The following CCDC39 variants were observed in gnomAD, a reference collection of about 807,000 sequenced individuals.
CCDC39 encodes coiled-coil domain 39 molecular ruler complex subunit.
CCDC39 carries 113 observed loss-of-function variants against 121.0 expected under a neutral mutation model. That is an observed-to-expected ratio of 0.93 (90% CI 0.80 to 1.09). The LOEUF is 1.09. Among genes scored for constraint, CCDC39 ranks in the 50% least tolerant of loss-of-function variants. The pLI, the probability that CCDC39 is intolerant of heterozygous loss-of-function variation, is 0.00. For missense variants in CCDC39, 1,063 were observed against 1,074.7 expected, an observed-to-expected ratio of 0.99 and a Z score of 0.15; for synonymous variants, 349 against 352.2, an observed-to-expected ratio of 0.99 and a Z score of 0.10.
At chr3:180,677,167 TTTATA>T (rs1712246482) in intron 1 of CCDC39, among the ~76,000 whole-genome samples, 2 of 72,206 alleles carry the variant, frequency 2.8e-5, no homozygotes, top group African/African-American at 7.5e-5. Context: ...TAATAATAAT[TTTATA>T]TATATATATA....
chr3:180,651,533 C>A lies in CCDC39; in HGVS notation c.1035G>T (p.Arg345Ser), dbSNP rs770110944. The A allele has an allele frequency of 4.6e-6, 7 of 1,520,902 alleles. No homozygotes were observed. Among genetic ancestry groups the A allele is most frequent in the East Asian group, 2.5e-5 (1 of 40,600 alleles). 94.2% of individuals were successfully genotyped at this position (1,520,902 alleles called of 1,614,324 possible). ...CATTATGATTTTTAGTTTTTTGTAA[C>A]CTGAAGAGGGTTTATCACAAAAAGA... ...IKKDIHEETA[R>S]LQKTKNHNEI... The change falls in exon 9 of 20, where the codon AGG (arginine) becomes AGT (serine). Residue 345 changes from arginine (R) to serine (S), a missense_variant and splice_region_variant. Physicochemically the swap from Arg to Ser is moderately radical, Grantham distance 110. Coordinates refer to ENST00000476379, the MANE Select transcript of CCDC39 (RefSeq NM_181426.2).
chr3:180,647,869 A>G (rs1475602845), intron 10 of CCDC39, among the ~76,000 whole-genome samples: 2 of 152,052 alleles, frequency 1.3e-5, no homozygotes, highest in South Asian at 2.1e-4. Flanking sequence ...GGTTTCAGAT[A>G]TCTCGTGCCT....
chr3:180,614,827 A>G lies in CCDC39; in HGVS notation c.*94T>C. On this transcript the variant is annotated 3_prime_UTR_variant, in exon 20 of 20. Transcript: ENST00000476379. Reference sequence around the variant, plus strand: ...TTTACACTTACCACTAAGTTTTTACACTTTCCACTAGATAAAATGTGTTGG... The same window carrying G: ...TTTACACTTACCACTAAGTTTTTACGCTTTCCACTAGATAAAATGTGTTGG... The G allele has an allele frequency of 8.7e-7, 1 of 1,154,208 alleles. No individual in the cohort carries two copies. The highest frequency in any genetic ancestry group is 1.2e-6 in the Non-Finnish European group (1 of 832,272). The allele number at this position is 1,154,208 out of a possible 1,614,324, so 71.5% of individuals were successfully genotyped here.
intron 8 of CCDC39, among the ~76,000 whole-genome samples, chr3:180,651,771 C>T (rs183133610): frequency 3.9e-4 from 59 of 152,250 alleles, no homozygotes; most frequent in South Asian, 1.0e-3. Flanking sequence ...GGCGCGGTGG[C>T]TCACGCCTGT....
chr3:180,614,811 AC>A lies in CCDC39; in HGVS notation c.*109del, dbSNP rs1717167061. On this transcript the variant is annotated 3_prime_UTR_variant, in exon 20 of 20. Transcript: ENST00000476379. ...TTTAAAACTATCAGTTTTTACACTT[AC>A]CACTAAGTTTTTACACTTTCCACTA... The A allele has an allele frequency of 2.1e-6, 2 of 934,216 alleles. No homozygotes were observed. 57.9% of individuals were successfully genotyped at this position (934,216 alleles called of 1,614,324 possible).
intron 1 of CCDC39, among the ~76,000 whole-genome samples, chr3:180,677,168 T>TTTTTTA (rs373676653): frequency 4.3e-4 from 15 of 35,176 alleles, no homozygotes; most frequent in African/African-American, 1.5e-3. Context: ...AATAATAATT[T>TTTTTTA]TATATATATA....
At chr3:180,671,917 T>C (rs1712059464) in intron 1 of CCDC39, among the ~76,000 whole-genome samples, 1 of 152,158 alleles carries the variant, frequency 6.6e-6, no homozygotes, top group African/African-American at 2.4e-5. Context: ...CTGCAGCAAG[T>C]TATCTAGAAG....
intron 13 of CCDC39, among the ~76,000 whole-genome samples, chr3:180,639,628 G>A (rs1366655989): frequency 6.6e-6 from 1 of 152,026 alleles, no homozygotes; most frequent in African/African-American, 2.4e-5. Flanking sequence ...GACTTGTGGG[G>A]GGTGGAGTGT....
chr3:180,660,713 C>CT lies in CCDC39; in HGVS notation c.372dup (p.Ala125SerfsTer29). The CT allele has an allele frequency of 6.2e-7, 1 of 1,600,914 alleles. No homozygotes were observed. Among genetic ancestry groups the CT allele is most frequent in the South Asian group, 1.1e-5 (1 of 88,656 alleles). On this transcript the variant is annotated frameshift_variant, in exon 4 of 20. Transcript: ENST00000476379. LOFTEE classifies it high-confidence loss of function. ...TTCAAACCATCCAATTTTTGAGTGGCTTTAAATATGCCATTCTAATTTCCA... is the reference window on the plus strand; with the variant it reads ...TTCAAACCATCCAATTTTTGAGTGGCTTTTAAATATGCCATTCTAATTTCCA...
chr3:180,615,628 C>T (rs1483422984), intron 19 of CCDC39, among the ~76,000 whole-genome samples: 1 of 151,742 alleles, frequency 6.6e-6, no homozygotes, highest in Non-Finnish European at 1.5e-5. Context: ...TTTTTAGGGG[C>T]CTCTTCATGA....
At chr3:180,654,716 T>C in intron 7 of CCDC39, 46 bp downstream of exon 7, 1 of 1,279,684 alleles carries the variant, frequency 7.8e-7, no homozygotes, top group Non-Finnish European at 1.1e-6. Flanking sequence ...TATTTTATAG[T>C]GATTTGTCGT....
At chr3:180,671,000 C>T (rs961895204) in intron 1 of CCDC39, among the ~76,000 whole-genome samples, 3 of 151,886 alleles carry the variant, frequency 2.0e-5, no homozygotes, top group Non-Finnish European at 4.4e-5. Context: ...TCACTTGAGG[C>T]CAGGAGTTCA....
At chr3:180,626,221 C>T (rs886947620) in intron 14 of CCDC39, among the ~76,000 whole-genome samples, 3 of 152,220 alleles carry the variant, frequency 2.0e-5, no homozygotes, top group African/African-American at 7.2e-5. Flanking sequence ...ACTTCAGACT[C>T]TAGCAGGACT....
At chr3:180,658,626 C>A (rs941827798) in intron 6 of CCDC39, among the ~76,000 whole-genome samples, 2 of 151,934 alleles carry the variant, frequency 1.3e-5, no homozygotes, top group African/African-American at 4.8e-5. Context: ...TTAAGAGAAC[C>A]TCATAGTTAA....
rs1240392778 is a variant in CCDC39 at position 180,657,788 on chromosome 3, T to C, written c.738+1664A>G. On this transcript the variant is annotated intron_variant, in intron 6 of 19. Transcript: ENST00000476379. ...AAATCAACTTGTAACTGCTGCTAAT[T>C]GGAGTGTATATTCAGGGCAACTTGA... Among the ~76,000 whole-genome samples the C allele has an allele frequency of 3.3e-5, 5 of 152,202 alleles. No individual in the cohort carries two copies. The East Asian group carries it at 9.6e-4, about 29-fold the overall frequency.
Position 180,648,329 on chromosome 3 carries a change from C to G in CCDC39, c.1198G>C (p.Gly400Arg), listed in dbSNP as rs147383873. 1 of 1,589,508 alleles carries G rather than the reference C, an allele frequency of 6.3e-7. No homozygotes were observed. The highest frequency in any genetic ancestry group is 8.6e-7 in the Non-Finnish European group (1 of 1,168,848). ...TCCTGAGCTTTCTTAAACAGCACAC[C>G]TTTTATGAGGTTCAGTTGAACATCT... The part of the protein sequence containing the change: ...EVDVQLNLIK[G>R]VLFKKAQELQ... The change falls in exon 10 of 20, where the codon GGT (glycine) becomes CGT (arginine). Residue 400 changes from glycine to arginine, a missense_variant. Coordinates refer to ENST00000476379, the MANE Select transcript of CCDC39 (RefSeq NM_181426.2).
intron 14 of CCDC39, among the ~76,000 whole-genome samples, chr3:180,624,614 G>A (rs752918663): frequency 1.3e-5 from 2 of 152,078 alleles, no homozygotes; most frequent in South Asian, 2.1e-4. Context: ...GTGTTTTCAC[G>A]ATGGTGAATA....
chr3:180,633,171 C>T (rs558829719), intron 13 of CCDC39, among the ~76,000 whole-genome samples: 170 of 152,246 alleles, frequency 1.1e-3, no homozygotes, highest in African/African-American at 4.0e-3. Flanking sequence ...TTTAGAGGAG[C>T]GATCTGTTGG....
intron 14 of CCDC39, among the ~76,000 whole-genome samples, chr3:180,620,852 C>T (rs1046202370): frequency 5.9e-5 from 9 of 151,844 alleles, no homozygotes; most frequent in Non-Finnish European, 1.2e-4. Context: ...TAGTGTACTA[C>T]CTATCATTGG....
Sources: gnomAD v4.1 joint callset for allele counts (sites outside exome capture counted in the v4.1 genomes callset) on GRCh38, gnomAD v4.1.1 for gene constraint, MANE v1.5 for transcripts, NCBI Gene and HGNC (gene_info 2026-07-23, HGNC 2026-07-21) for gene names.